KCNC2: variants seen among roughly 807,000 people sequenced by gnomAD.
The protein encoded by KCNC2 is potassium voltage-gated channel subfamily C member 2.
In KCNC2, 21 loss-of-function variants were observed where a neutral mutation model predicts 44.5. The ratio of observed to expected loss-of-function variants is 0.47; its 90% CI spans 0.33 to 0.68. KCNC2 has a LOEUF of 0.68. Among genes scored for constraint, KCNC2 ranks in the 30% least tolerant of loss-of-function variants. The pLI is 0.01. For missense variants in KCNC2, 589 were observed against 826.2 expected (o/e 0.71, Z 3.52); for synonymous variants, 391 against 339.1 (o/e 1.15, Z -1.68).
At chr12:75,171,478 T>C (rs1037248225) in intron 2 of KCNC2, among the ~76,000 whole-genome samples, 2 of 151,862 alleles carry the variant, frequency 1.3e-5, no homozygotes, top group Admixed American at 1.3e-4. Context: ...TAAGAATAAA[T>C]GTATGTCACT....
At chr12:75,165,070 T>C (rs1284318772) in intron 2 of KCNC2, among the ~76,000 whole-genome samples, 1 of 151,608 alleles carries the variant, frequency 6.6e-6, no homozygotes, top group Non-Finnish European at 1.5e-5. Context: ...TCACCTACAG[T>C]TCCTTAGTAA....
chr12:75,084,008 C>T lies in KCNC2; in HGVS notation c.688-32691G>A, dbSNP rs1414491125. Among the ~76,000 whole-genome samples the T allele has an allele frequency of 2.0e-5, 3 of 151,934 alleles. No individual in the cohort carries two copies. The East Asian group carries it at 5.8e-4, about 29-fold the overall frequency. On this transcript the variant is annotated intron_variant, in intron 2 of 4. Coordinates refer to ENST00000549446, the MANE Select transcript of KCNC2 (RefSeq NM_139137.4). ...ACTGATGTTTCTAAATTGGATACAT[C>T]ATCTTAATTAGAATCTTCTGTTTAA... is the stretch of plus-strand genomic sequence containing the variant.
At chr12:75,100,205 T>C (rs544075911) in intron 2 of KCNC2, among the ~76,000 whole-genome samples, 1 of 152,124 alleles carries the variant, frequency 6.6e-6, no homozygotes, top group Admixed American at 6.6e-5. Flanking sequence ...TCAGAGAAAA[T>C]GGGGTTCTTC....
In KCNC2 at chr12:75,150,860, AG is replaced by A. The variant is rs140859753; in HGVS notation, c.687+56436del. 1.2e-3 allele frequency among the ~76,000 whole-genome samples: 189 copies of A among 152,062 alleles called. 2 individuals carry two copies. The highest frequency in any genetic ancestry group is 4.4e-3 in the African/African-American group (183 of 41,574). ...CAAGAATAAAATGAATGTTATTATA[AG>A]AACTCAGCTATGTAAAACGTAACCT... is the stretch of plus-strand genomic sequence containing the variant. On this transcript the variant is annotated intron_variant, in intron 2 of 4. Transcript: ENST00000549446.
chr12:75,089,885 A>G (rs150228898), intron 2 of KCNC2, among the ~76,000 whole-genome samples: 1 of 152,002 alleles, frequency 6.6e-6, no homozygotes, highest in Admixed American at 6.6e-5. Flanking sequence ...TAGTCGTCGT[A>G]TTAAGCAATG....
intron 2 of KCNC2, among the ~76,000 whole-genome samples, chr12:75,116,057 T>C (rs1329173488): frequency 2.6e-5 from 4 of 152,214 alleles, no homozygotes; most frequent in Non-Finnish European, 4.4e-5. Context: ...CTTTATATTT[T>C]TAAAGTGATA....
chr12:75,193,196 T>A (rs2030461643), intron 2 of KCNC2, among the ~76,000 whole-genome samples: 1 of 152,204 alleles, frequency 6.6e-6, no homozygotes, highest in African/African-American at 2.4e-5. Flanking sequence ...TAAACTTATC[T>A]TCTTATCCAA....
intron 2 of KCNC2, among the ~76,000 whole-genome samples, chr12:75,077,241 T>C (rs1884074208): frequency 6.6e-6 from 1 of 152,134 alleles, no homozygotes; most frequent in African/African-American, 2.4e-5. Context: ...GAGCATTTTC[T>C]GGGGGAAAAA....
chr12:75,147,452 T>A (rs1474484595), intron 2 of KCNC2, among the ~76,000 whole-genome samples: 1 of 152,176 alleles, frequency 6.6e-6, no homozygotes, highest in Non-Finnish European at 1.5e-5. Flanking sequence ...ACGACCTAAT[T>A]GACTTAAAGT....
At chr12:75,097,165 G>T (rs529256343) in intron 2 of KCNC2, among the ~76,000 whole-genome samples, 25 of 152,096 alleles carry the variant, frequency 1.6e-4, no homozygotes, top group Non-Finnish European at 2.2e-4. Context: ...GCTACATACT[G>T]TATGACCCTA....
At chr12:75,155,466 A>C (rs887393856) in intron 2 of KCNC2, among the ~76,000 whole-genome samples, 1 of 151,900 alleles carries the variant, frequency 6.6e-6, no homozygotes, top group Non-Finnish European at 1.5e-5. Flanking sequence ...ATTCAAGAGA[A>C]TGAAGTCAGT....
At chr12:75,109,364 A>C (rs1473649145) in intron 2 of KCNC2, among the ~76,000 whole-genome samples, 1 of 152,190 alleles carries the variant, frequency 6.6e-6, no homozygotes, top group African/African-American at 2.4e-5. Context: ...GCTTGATGGC[A>C]GTCCAGAAAC....
chr12:75,048,269 G>T lies in KCNC2; in HGVS notation c.1664C>A (p.Pro555Gln). 6.2e-7 allele frequency: 1 copy of T among 1,612,848 alleles called. No homozygotes were observed. The highest frequency in any genetic ancestry group is 1.1e-5 in the South Asian group (1 of 91,014). The change falls in exon 4 of 5, where the codon CCA (proline) becomes CAA (glutamine). Residue 555 changes from proline (P) to glutamine (Q), a missense_variant. Coordinates refer to ENST00000549446, the MANE Select transcript of KCNC2 (RefSeq NM_139137.4). ...AGAGCGTCTGATGGGGAGCCTTTCT[G>T]GGGGTGATAGTGGCGGCTCACTTCC... ...STGSEPPLSP[P>Q]ERLPIRRSST...
chr12:75,107,504 T>A (rs886834272), intron 2 of KCNC2, among the ~76,000 whole-genome samples: 1 of 152,198 alleles, frequency 6.6e-6, no homozygotes, highest in African/African-American at 2.4e-5. Flanking sequence ...CAGAAAAGAT[T>A]TCTCGAAGAT....
In KCNC2 at chr12:75,113,135, A is replaced by C. The variant is rs182924961; in HGVS notation, c.688-61818T>G. ...GAAGCATCTTGTAGGCTAGAAACTG[A>C]TGCTTGTTATTATATATCTGCCAAC... On this transcript the variant is annotated intron_variant, in intron 2 of 4. Transcript: ENST00000549446. Among the ~76,000 whole-genome samples the C allele has an allele frequency of 3.2e-3, 488 of 152,258 alleles. 2 individuals carry two copies. The highest frequency in any genetic ancestry group is 0.011 in the African/African-American group (454 of 41,566).
chr12:75,081,547 A>G (rs1277552180), intron 2 of KCNC2, among the ~76,000 whole-genome samples: 2 of 151,936 alleles, frequency 1.3e-5, no homozygotes, highest in East Asian at 1.9e-4. Context: ...AGCTCTTAGC[A>G]TAATAATTTG....
intron 2 of KCNC2, among the ~76,000 whole-genome samples, chr12:75,079,224 A>G (rs949394304): frequency 6.6e-6 from 1 of 152,142 alleles, no homozygotes; most frequent in South Asian, 2.1e-4. Flanking sequence ...CATTGAGGAG[A>G]ATTGTTAAGC....
At chr12:75,063,091 G>A (rs1311069816) in intron 2 of KCNC2, among the ~76,000 whole-genome samples, 1 of 151,998 alleles carries the variant, frequency 6.6e-6, no homozygotes. Flanking sequence ...CATTAGGCAA[G>A]AGCCAGAATT....
chr12:75,098,984 G>A (rs1328701527), intron 2 of KCNC2, among the ~76,000 whole-genome samples: 1 of 152,034 alleles, frequency 6.6e-6, no homozygotes, highest in Non-Finnish European at 1.5e-5. Context: ...GTTTGACCTT[G>A]CCCAAGGACT....
Sources: allele counts gnomAD v4.1 joint callset (sites outside exome capture counted in the v4.1 genomes callset), GRCh38; gene constraint gnomAD v4.1.1; transcripts MANE v1.5; gene names NCBI Gene and HGNC (gene_info 2026-07-23, HGNC 2026-07-21).